The following CARS2 variants were observed in gnomAD, a reference collection of about 807,000 sequenced individuals.
The protein encoded by CARS2 is probable cysteine--tRNA ligase, mitochondrial.
In CARS2, 52 loss-of-function variants were observed where a neutral mutation model predicts 68.8. The observed-to-expected ratio is 0.76, with a 90% CI of 0.61 to 0.95. The LOEUF is 0.95. CARS2 is among the 40% of genes least tolerant of loss of function. CARS2 has a pLI of 0.00. For missense variants in CARS2, 780 were observed against 754.2 expected, an observed-to-expected ratio of 1.03 and a Z score of -0.40; for synonymous variants, 314 against 303.6, an observed-to-expected ratio of 1.03 and a Z score of -0.36.
At chr13:110,706,170 GGCCCC>G (rs28364706), upstream of CARS2, 71 of 1,076,918 alleles carry the variant, frequency 6.6e-5, no homozygotes, top group African/African-American at 1.5e-4. Flanking sequence ...AGAGCAGCAC[GGCCCC>G]GCCCCGCCCC....
intron 3 of CARS2, among the ~76,000 whole-genome samples, chr13:110,689,119 G>A (rs2063386162): frequency 6.6e-6 from 1 of 152,222 alleles, no homozygotes; most frequent in African/African-American, 2.4e-5. Context: ...CATTATCCAA[G>A]GAGGCTGAGA....
In CARS2 at chr13:110,670,244, G is replaced by A. The variant is rs749808027; in HGVS notation, c.786-2771C>T. On this transcript the variant is annotated intron_variant, in intron 7 of 14. Coordinates refer to ENST00000257347, the MANE Select transcript of CARS2 (RefSeq NM_024537.4). This position sits in a 1 kb window ranked among gnomAD's most constrained non-coding sequence, Gnocchi z 4.1. ...AGCACGGAGTTTGAGATCTGAGAAC[G>A]GACAGACTGCCTCCTCAAGTGGGTC... Among the ~76,000 whole-genome samples the A allele has an allele frequency of 3.9e-5, 6 of 152,176 alleles. No individual in the cohort carries two copies. The highest frequency in any genetic ancestry group is 3.9e-4 in the East Asian group (2 of 5,192).
chr13:110,685,115 A>C (rs1375732213), intron 5 of CARS2, among the ~76,000 whole-genome samples: 1 of 152,116 alleles, frequency 6.6e-6, no homozygotes, highest in Non-Finnish European at 1.5e-5. Flanking sequence ...TCTTATTTCA[A>C]GTTACACGAC....
intron 1 of CARS2, chr13:110,712,705 T>C (rs2064045356): frequency 1.5e-6 from 1 of 688,426 alleles, no homozygotes; most frequent in East Asian, 2.7e-5. Context: ...GTCTGCATAC[T>C]GTGGGCGGCC....
intron 9 of CARS2, chr13:110,662,965 T>G (rs1050486131): frequency 2.2e-6 from 1 of 456,124 alleles, no homozygotes; most frequent in Non-Finnish European, 4.4e-6. Flanking sequence ...CTGTTTTCCA[T>G]TCACACGAAA....
intron 6 of CARS2, among the ~76,000 whole-genome samples, chr13:110,680,501 C>T (rs9515267): frequency 0.53 from 79,857 of 152,102 alleles, 22,375 homozygotes; most frequent in Non-Finnish European, 0.64. Flanking sequence ...AAGCCTAGAG[C>T]GGCCAGGGCT....
rs117095171 is a variant in CARS2, at chr13:110,689,842, A to T, written c.394-1824T>A. ...TTAATGTATGTCTATCCAGGGGACA[A>T]AAGACCAAAGGAAAAAACCCAAAAG... On this transcript the variant is annotated intron_variant, in intron 3 of 14. Coordinates refer to ENST00000257347, the MANE Select transcript of CARS2 (RefSeq NM_024537.4). Among the ~76,000 whole-genome samples the T allele has an allele frequency of 3.2e-3, 489 of 152,334 alleles. 3 individuals are homozygous for T. The highest frequency in any genetic ancestry group is 5.1e-3 in the Non-Finnish European group (350 of 68,030).
chr13:110,705,885 G>C lies in CARS2; in HGVS notation c.209C>G (p.Ala70Gly). ...GRKEPLIVAH[A>G]EAASWYSCGP... ...CGCGGCCCACCAGGAGGCGGCTTCG[G>C]CGTGCGCCACGATTAGGGGTTCCTT... The change falls in exon 1 of 15, where the codon GCC becomes GGC. Residue 70 changes from alanine (A) to glycine (G), a missense_variant. Coordinates refer to ENST00000257347, the MANE Select transcript of CARS2 (RefSeq NM_024537.4). The surrounding 1 kb of genome is among the most constrained non-coding windows in gnomAD (Gnocchi z 4.0). 6.4e-7 allele frequency: 1 copy of C among 1,566,672 alleles called. No homozygotes were observed. Among genetic ancestry groups the C allele is most frequent in the African/African-American group, 1.4e-5 (1 of 73,734 alleles).
chr13:110,657,598 AAAAG>A (rs1337938126), intron 9 of CARS2, among the ~76,000 whole-genome samples: 3 of 152,256 alleles, frequency 2.0e-5, no homozygotes, highest in Admixed American at 6.5e-5. Flanking sequence ...GTCTACTAAA[AAAAG>A]AAAGACAAAA....
At chr13:110,655,839 T>C (rs962520341) in intron 9 of CARS2, among the ~76,000 whole-genome samples, 1 of 152,204 alleles carries the variant, frequency 6.6e-6, no homozygotes, top group South Asian at 2.1e-4. Flanking sequence ...GAAAGGTTTA[T>C]GTGTATTGGC....
intron 8 of CARS2, 128 bp downstream of exon 8, chr13:110,667,212 T>C: frequency 1.1e-6 from 1 of 882,476 alleles, no homozygotes; most frequent in Middle Eastern, 2.4e-4. Context: ...AAAAATAATT[T>C]AAGAGGCAAA....
rs990944439 is a variant in CARS2, at chr13:110,676,031, G to A, written c.785+943C>T. On this transcript the variant is annotated intron_variant, in intron 7 of 14. Coordinates refer to ENST00000257347, the MANE Select transcript of CARS2 (RefSeq NM_024537.4). This position sits in a 1 kb window ranked among gnomAD's most constrained non-coding sequence, Gnocchi z 4.0. ...TTAGCCGGGGTGGTGGCGCATGCCA[G>A]TAATCCCAGCTACTCAGGAGGATGA... Among the ~76,000 whole-genome samples, 6 of 152,266 alleles carry A rather than the reference G, an allele frequency of 3.9e-5. No individual in the cohort carries two copies. The highest frequency in any genetic ancestry group is 6.5e-5 in the Admixed American group (1 of 15,288).
At chr13:110,666,235 A>T (rs2062643496) in intron 8 of CARS2, 5 of 985,312 alleles carry the variant, frequency 5.1e-6, no homozygotes, top group Non-Finnish European at 6.0e-6. Context: ...TGTGAGCGCC[A>T]GCTGAAACGG....
chr13:110,682,875 T>C (rs1458747950), intron 6 of CARS2, among the ~76,000 whole-genome samples, 176 bp downstream of exon 6: 1 of 152,184 alleles, frequency 6.6e-6, no homozygotes, highest in Non-Finnish European at 1.5e-5. Flanking sequence ...TTGAACTATA[T>C]GCCTCACAAG....
rs12431291 is a variant in CARS2, at chr13:110,677,341, G to A, written c.656-238C>T. On this transcript the variant is annotated intron_variant, in intron 6 of 14. Transcript: ENST00000257347. The stretch of plus-strand genomic sequence containing the variant: ...ACTCAGACAGTCACCCCCACCACGG[G>A]GACCCAGTCACCCCCACCACGGAAA... Among the ~76,000 whole-genome samples, 56 of 54,064 alleles carry A rather than the reference G, an allele frequency of 1.0e-3. 1 individual carries two copies. Among genetic ancestry groups the A allele is most frequent in the African/African-American group, 3.1e-3 (35 of 11,408 alleles). 35.5% of individuals were successfully genotyped at this position (54,064 alleles called of 152,430 possible).
At chr13:110,706,264 C>T, upstream of CARS2, 1 of 404,532 alleles carries the variant, frequency 2.5e-6, no homozygotes, top group Non-Finnish European at 4.0e-6. Flanking sequence ...TCGAGTCGCC[C>T]GCGGCAAGGG....
At chr13:110,644,566 G>A in intron 12 of CARS2, 83 bp from the exon 13 acceptor site, 2 of 1,576,778 alleles carry the variant, frequency 1.3e-6, no homozygotes, top group East Asian at 2.3e-5. Context: ...AAAAGACAAA[G>A]GCTTCAGCAG....
chr13:110,701,512 C>T lies in CARS2; in HGVS notation c.319G>A (p.Val107Ile), dbSNP rs1276204616. The T allele has an allele frequency of 6.3e-7, 1 of 1,595,602 alleles. No homozygotes were observed. Among genetic ancestry groups the T allele is most frequent in the African/African-American group, 1.3e-5 (1 of 74,560 alleles). The stretch of plus-strand genomic sequence containing the variant: ...ACCATGACTATGCTGCATCCAAAAA[C>T]CTTGGTTAGGATCCTTCGAATGATA... ...FDIIRRILTK[V>I]FGCSIVMVMG... Residue 107 changes from valine (V) to isoleucine (I), a missense_variant, in exon 3 of 15, where the codon GTT becomes ATT. Transcript: ENST00000257347.
At chr13:110,644,177 T>G (rs1887781833) in intron 13 of CARS2, 2 of 1,461,528 alleles carry the variant, frequency 1.4e-6, no homozygotes, top group Non-Finnish European at 1.8e-6. Context: ...CACGAGAGTT[T>G]GCCAACTGCA....
Sources: allele counts gnomAD v4.1 joint callset (sites outside exome capture counted in the v4.1 genomes callset), GRCh38; gene constraint gnomAD v4.1.1; non-coding constraint Gnocchi (gnomAD v3.1); transcripts MANE v1.5; gene names NCBI Gene and HGNC (gene_info 2026-07-23, HGNC 2026-07-21).